ZNF503: variants seen among roughly 807,000 people sequenced by gnomAD.
ZNF503 encodes the protein zinc finger protein 503.
Under a neutral mutation model 34.4 loss-of-function variants are expected in ZNF503, and 15 were observed. The observed-to-expected ratio is 0.44, with a 90% confidence interval of 0.29 to 0.67. ZNF503 has a LOEUF of 0.67. ZNF503 is among the 30% of genes least tolerant of loss of function. ZNF503 has a pLI of 0.13. For missense variants in ZNF503, 1,007 were observed against 926.8 expected, an observed-to-expected ratio of 1.09 and a Z score of -1.12; for synonymous variants, 580 against 456.8, an observed-to-expected ratio of 1.27 and a Z score of -3.44.
chr10:75,363,582 CT>C, the ZNF503 span, among the ~76,000 whole-genome samples: 1 of 152,346 alleles, frequency 6.6e-6, no homozygotes, highest in East Asian at 1.9e-4. Context: ...TTCCATACAA[CT>C]TTTGAAATGC....
chr10:75,349,653 A>G, the ZNF503 span, among the ~76,000 whole-genome samples: 198 of 152,252 alleles, frequency 1.3e-3, no homozygotes, highest in Middle Eastern at 3.4e-3. Context: ...GCCCATAACC[A>G]TTGCAGCCGA....
At chr10:75,303,804 C>T in the ZNF503 span, among the ~76,000 whole-genome samples, 28 of 150,750 alleles carry the variant, frequency 1.9e-4, no homozygotes, top group Middle Eastern at 3.5e-3. Context: ...AGGATCCTTT[C>T]GCTATGCTGG....
the ZNF503 span, among the ~76,000 whole-genome samples, chr10:75,333,472 C>G: frequency 1.6e-5 from 1 of 61,578 alleles, no homozygotes; most frequent in Non-Finnish European, 3.2e-5. Flanking sequence ...ACCCCCCCAC[C>G]TCCCTCCCGG....
chr10:75,334,450 G>A, the ZNF503 span, among the ~76,000 whole-genome samples: 5 of 152,074 alleles, frequency 3.3e-5, no homozygotes, highest in Non-Finnish European at 5.9e-5. Context: ...CTTGTCCCCT[G>A]GTAAGTCTTA....
the ZNF503 span, among the ~76,000 whole-genome samples, chr10:75,344,492 C>T: frequency 7.2e-5 from 11 of 152,252 alleles, no homozygotes; most frequent in East Asian, 3.9e-4. Context: ...CATTGGATGC[C>T]GCTGGTCCTG....
the ZNF503 span, among the ~76,000 whole-genome samples, chr10:75,331,742 C>T: frequency 6.6e-6 from 1 of 152,180 alleles, no homozygotes. Flanking sequence ...AGTGATCGTC[C>T]TGCCTCAGAC....
At chr10:75,293,677 G>T in the ZNF503 span, among the ~76,000 whole-genome samples, 2 of 151,930 alleles carry the variant, frequency 1.3e-5, no homozygotes, top group African/African-American at 4.8e-5. Flanking sequence ...GCATGTGTGT[G>T]TGTGTAGGTT....
the ZNF503 span, among the ~76,000 whole-genome samples, chr10:75,362,807 A>C: frequency 6.6e-6 from 1 of 151,998 alleles, no homozygotes; most frequent in East Asian, 1.9e-4. Flanking sequence ...GCCCTGTGCG[A>C]GGGTGGGGGA....
the ZNF503 span, among the ~76,000 whole-genome samples, chr10:75,324,188 A>AT: frequency 2.6e-5 from 4 of 151,644 alleles, no homozygotes; most frequent in South Asian, 2.1e-4. Context: ...TAAAATTGTC[A>AT]TTTTTTCTTT....
the ZNF503 span, among the ~76,000 whole-genome samples, chr10:75,316,886 A>G: frequency 1.3e-5 from 2 of 152,194 alleles, no homozygotes; most frequent in South Asian, 4.1e-4. Context: ...ATAACATGCC[A>G]AAACTTATGA....
chr10:75,348,449 C>T, the ZNF503 span, among the ~76,000 whole-genome samples: 1,751 of 151,758 alleles, frequency 0.012, 18 homozygotes, highest in African/African-American at 0.024. Context: ...CTGCCCACCT[C>T]GGTCTCCCAA....
chr10:75,366,153 G>A, the ZNF503 span, among the ~76,000 whole-genome samples: 55 of 152,310 alleles, frequency 3.6e-4, 1 homozygote, highest in East Asian at 9.3e-3. Flanking sequence ...AGAGAACATC[G>A]TGCTTAGGAG....
At chr10:75,374,042 G>A in the ZNF503 span, among the ~76,000 whole-genome samples, 1 of 152,182 alleles carries the variant, frequency 6.6e-6, no homozygotes, top group Non-Finnish European at 1.5e-5. Flanking sequence ...GGGCAGGCAC[G>A]GTGGCTCACG....
In ZNF503 at chr10:75,401,495, G is replaced by C; in HGVS notation, c.-76C>G. ...GGGGCGGGCTCGGGGCTGCGCGCTC[G>C]CCCCGGGAGCAGGAGCAGCGGGAGG... On this transcript the variant is annotated 5_prime_UTR_variant, in exon 1 of 2. Coordinates refer to ENST00000372524, the MANE Select transcript of ZNF503 (RefSeq NM_032772.6). 2.7e-6 allele frequency: 4 copies of C among 1,457,838 alleles called. No individual in the cohort carries two copies. Among genetic ancestry groups the C allele is most frequent in the Non-Finnish European group, 3.6e-6 (4 of 1,107,646 alleles). The allele number at this position is 1,457,838 out of a possible 1,614,324, so 90.3% of individuals were successfully genotyped here. A position where few individuals can be genotyped will look rare whatever the true frequency, so the allele number is the denominator to read the frequency against.
chr10:75,364,944 C>T, the ZNF503 span, among the ~76,000 whole-genome samples: 17 of 152,244 alleles, frequency 1.1e-4, no homozygotes, highest in African/African-American at 3.6e-4. Context: ...GATGATAGCA[C>T]CATAAAAGGT....
At chr10:75,390,145 C>T in the ZNF503 span, among the ~76,000 whole-genome samples, 2 of 152,080 alleles carry the variant, frequency 1.3e-5, no homozygotes, top group Non-Finnish European at 2.9e-5. Flanking sequence ...GATCCGCCTG[C>T]CTCAGCCTCC....
chr10:75,325,142 C>T, the ZNF503 span, among the ~76,000 whole-genome samples: 4 of 151,770 alleles, frequency 2.6e-5, no homozygotes, highest in African/African-American at 7.3e-5. Flanking sequence ...TTGTATAAGG[C>T]GTGAGGTATG....
chr10:75,320,763 T>G, the ZNF503 span, among the ~76,000 whole-genome samples: 2 of 152,180 alleles, frequency 1.3e-5, no homozygotes, highest in Non-Finnish European at 2.9e-5. Flanking sequence ...GTTTTAATAT[T>G]TGAAAATCAA....
the ZNF503 span, among the ~76,000 whole-genome samples, chr10:75,305,678 C>T: frequency 6.6e-6 from 1 of 152,104 alleles, no homozygotes; most frequent in Non-Finnish European, 1.5e-5. Flanking sequence ...TTTCCAGTCT[C>T]CCCAGCTGTT....
Sources: allele counts gnomAD v4.1 joint callset (sites outside exome capture counted in the v4.1 genomes callset), GRCh38; gene constraint gnomAD v4.1.1; transcripts MANE v1.5; gene names NCBI Gene and HGNC (gene_info 2026-07-23, HGNC 2026-07-21).